The following SNX30 variants were observed in gnomAD, a reference collection of about 807,000 sequenced individuals.
SNX30 encodes the protein sorting nexin-30.
In SNX30, 24 loss-of-function variants were observed where a neutral mutation model predicts 46.4. That is an observed-to-expected ratio of 0.52 (90% CI 0.37 to 0.73). The LOEUF (loss-of-function observed/expected upper bound fraction) is 0.73, where lower values mean the gene tolerates loss of function less well. Among genes scored for constraint, SNX30 ranks in the 30% least tolerant of loss-of-function variants. The probability of loss-of-function intolerance (pLI) is 0.00; values close to 1 mark genes in which losing one functional copy is unlikely to be tolerated. For missense variants in SNX30, 533 were observed against 555.7 expected, an observed-to-expected ratio of 0.96 and a Z score of 0.41; for synonymous variants, 189 against 211.5, an observed-to-expected ratio of 0.89 and a Z score of 0.92.
At chr9:112,809,571 A>G (rs1414662566) in intron 2 of SNX30, among the ~76,000 whole-genome samples, 1 of 151,996 alleles carries the variant, frequency 6.6e-6, no homozygotes, top group Non-Finnish European at 1.5e-5. Flanking sequence ...GTGTAAAAAA[A>G]AAAAGAAAAA....
rs754341448 is a variant in SNX30, at chr9:112,870,363, C to T, written c.*1520C>T. The T allele has an allele frequency of 2.0e-5, 3 of 152,218 alleles. No homozygotes were observed. The highest frequency in any genetic ancestry group is 2.1e-4 in the South Asian group (1 of 4,836). 9.4% of individuals were successfully genotyped at this position (152,218 alleles called of 1,614,324 possible). The stretch of plus-strand genomic sequence containing the variant: ...TGGAAATACTGGTCAGCGGGCAGCA[C>T]GTCAAGGTCACTTAAGCCCACTTTT... On this transcript the variant is annotated 3_prime_UTR_variant, in exon 9 of 9. Coordinates refer to ENST00000374232, the MANE Select transcript of SNX30 (RefSeq NM_001012994.2).
chr9:112,777,617 T>G (rs1197013936), intron 1 of SNX30, among the ~76,000 whole-genome samples: 5 of 135,988 alleles, frequency 3.7e-5, no homozygotes, highest in Non-Finnish European at 7.8e-5. Context: ...TTTTTTTTTT[T>G]TTTTTTTTTT....
At chr9:112,762,383 T>TA (rs1839454721) in intron 1 of SNX30, among the ~76,000 whole-genome samples, 1 of 152,124 alleles carries the variant, frequency 6.6e-6, no homozygotes, top group Non-Finnish European at 1.5e-5. Context: ...ATATGCTACA[T>TA]ACCTGGCTCT....
rs573668943 is a variant in SNX30, at chr9:112,866,562, T to TTTAA, written c.1254+2163_1254+2164insTTAA. 1,134 of 470,012 alleles carry TTTAA rather than the reference T, an allele frequency of 2.4e-3. 24 individuals carry two copies. The highest frequency in any genetic ancestry group is 0.014 in the East Asian group (201 of 14,388). 29.1% of individuals were successfully genotyped at this position (470,012 alleles called of 1,614,324 possible). On this transcript the variant is annotated intron_variant, in intron 8 of 8. Coordinates refer to ENST00000374232, the MANE Select transcript of SNX30 (RefSeq NM_001012994.2). ...CACAGACCCCAGATCATCTTCCGTA[T>TTTAA]ATAAGGTGGGCTTCAGAGTTTAGCT...
At chr9:112,834,686 C>T (rs956578347) in intron 4 of SNX30, among the ~76,000 whole-genome samples, 9 of 151,960 alleles carry the variant, frequency 5.9e-5, no homozygotes, top group African/African-American at 9.7e-5. Flanking sequence ...GGGGAAGATT[C>T]GAGTCCTGCC....
chr9:112,763,157 A>G (rs1234492043), intron 1 of SNX30, among the ~76,000 whole-genome samples: 1 of 150,312 alleles, frequency 6.7e-6, no homozygotes, highest in East Asian at 1.9e-4. Context: ...CATCTGCTAC[A>G]GTTTATATAT....
At chr9:112,805,014 A>G in intron 2 of SNX30, 47 bp downstream of exon 2, 1 of 1,470,396 alleles carries the variant, frequency 6.8e-7, no homozygotes, top group Non-Finnish European at 9.2e-7. Context: ...GTCTCGGGGA[A>G]TTGGGGTCTA....
At chr9:112,861,551 G>A (rs998912068) in intron 7 of SNX30, among the ~76,000 whole-genome samples, 1 of 152,214 alleles carries the variant, frequency 6.6e-6, no homozygotes, top group African/African-American at 2.4e-5. Context: ...GCAGCTGGAG[G>A]AAGTGTGGGG....
At chr9:112,772,061 C>T (rs1284238273) in intron 1 of SNX30, among the ~76,000 whole-genome samples, 1 of 152,204 alleles carries the variant, frequency 6.6e-6, no homozygotes, top group African/African-American at 2.4e-5. Context: ...TGCCCTCATC[C>T]TTCCTGGCAG....
rs148317796 is a variant in SNX30, at chr9:112,868,169, G to A, written c.1255-615G>A. 1.2e-4 allele frequency among the ~76,000 whole-genome samples: 18 copies of A among 152,328 alleles called. No homozygotes were observed. The East Asian group carries it at 3.5e-3, about 29-fold the overall frequency. On this transcript the variant is annotated intron_variant, in intron 8 of 8. Coordinates refer to ENST00000374232, the MANE Select transcript of SNX30 (RefSeq NM_001012994.2). The stretch of plus-strand genomic sequence containing the variant: ...TCGAGTAATAATTCTCCTTCATAGA[G>A]GAGCTGTGAGGACTGGTGATAACTA...
chr9:112,851,062 G>A (rs2131481963), intron 7 of SNX30, 117 bp downstream of exon 7: 2 of 628,176 alleles, frequency 3.2e-6, no homozygotes, highest in Non-Finnish European at 5.5e-6. Context: ...GGGCTACGTT[G>A]ATGATGTTGT....
At chr9:112,813,734 G>A (rs572613326) in intron 2 of SNX30, among the ~76,000 whole-genome samples, 130 of 150,820 alleles carry the variant, frequency 8.6e-4, no homozygotes, top group African/African-American at 2.8e-3. Flanking sequence ...TCGGCCTCCC[G>A]AAGTGTTGGG....
At chr9:112,803,958 G>A (rs1474997231) in intron 1 of SNX30, among the ~76,000 whole-genome samples, 1 of 131,532 alleles carries the variant, frequency 7.6e-6, no homozygotes, top group Non-Finnish European at 1.6e-5. Flanking sequence ...GACCCCTTGC[G>A]CTTCCCAGGT....
At chr9:112,879,831 G>T (rs1841556132), downstream of SNX30, 1 of 1,610,608 alleles carries the variant, frequency 6.2e-7, no homozygotes, top group Non-Finnish European at 8.5e-7. Flanking sequence ...TGTAAGAATT[G>T]ACCATAGAGA....
rs76427496 is a variant in SNX30 at position 112,784,056 on chromosome 9, C to T, written c.157-20720C>T. 0.012 allele frequency among the ~76,000 whole-genome samples: 1,790 copies of T among 152,274 alleles called. 107 individuals carry two copies. The South Asian group carries it at 0.16, about 14-fold the overall frequency. On this transcript the variant is annotated intron_variant, in intron 1 of 8. Transcript: ENST00000374232. The stretch of plus-strand genomic sequence containing the variant: ...TAGAATAATAGCAGTTTCTAATCCT[C>T]TGTAATTTACCTGAATTGAAACATG...
intron 1 of SNX30, 99 bp from the exon 2 acceptor site, chr9:112,804,677 G>A (rs918544614): frequency 9.0e-7 from 1 of 1,106,884 alleles, no homozygotes; most frequent in African/African-American, 1.6e-5. Context: ...TTATTTTTGG[G>A]TTTTAGAAAT....
chr9:112,846,157 T>G (rs1269359290), intron 6 of SNX30, among the ~76,000 whole-genome samples: 1 of 151,704 alleles, frequency 6.6e-6, no homozygotes, highest in Non-Finnish European at 1.5e-5. Flanking sequence ...AATATGAAAA[T>G]TAGAGGATTA....
chr9:112,832,829 A>ATATATATATTTAT (rs1296584862), intron 4 of SNX30, among the ~76,000 whole-genome samples: 1 of 146,742 alleles, frequency 6.8e-6, no homozygotes, highest in East Asian at 1.9e-4. Context: ...ATTAATATAT[A>ATATATATATTTAT]ATAAATATAT....
In SNX30 at chr9:112,762,715, C is replaced by T. The variant is rs529406882; in HGVS notation, c.156+11558C>T. On this transcript the variant is annotated intron_variant, in intron 1 of 8. Coordinates refer to ENST00000374232, the MANE Select transcript of SNX30 (RefSeq NM_001012994.2). The stretch of plus-strand genomic sequence containing the variant: ...CAGACCCTGAGAAAGCATTTAATCG[C>T]CCATAGTTCGCTTGAGAGCTGAAGG... Among the ~76,000 whole-genome samples the T allele has an allele frequency of 1.6e-3, 238 of 152,278 alleles. 1 individual carries two copies. Among genetic ancestry groups the T allele is most frequent in the Admixed American group, 4.5e-3 (69 of 15,296 alleles).
Sources: allele counts gnomAD v4.1 joint callset (sites outside exome capture counted in the v4.1 genomes callset), GRCh38; gene constraint gnomAD v4.1.1; transcripts MANE v1.5; gene names NCBI Gene and HGNC (gene_info 2026-07-23, HGNC 2026-07-21).